RIN2: variants seen among roughly 807,000 people sequenced by gnomAD.
RIN2 encodes the protein RAB5 interacting protein 2.
Under a neutral mutation model 78.0 loss-of-function variants are expected in RIN2, and 36 were observed. The ratio of observed to expected loss-of-function variants is 0.46; its 90% CI spans 0.35 to 0.61. RIN2 has a LOEUF of 0.61. Among genes scored for constraint, RIN2 ranks in the 20% least tolerant of loss-of-function variants. The pLI, the probability that RIN2 is intolerant of heterozygous loss-of-function variation, is 0.00. For missense variants in RIN2, 1,087 were observed against 1,159.7 expected, an observed-to-expected ratio of 0.94 and a Z score of 0.91; for synonymous variants, 466 against 466.8, an observed-to-expected ratio of 1.00 and a Z score of 0.02.
chr20:19,831,960 GAAT>G (rs2036263155), intron 2 of RIN2, among the ~76,000 whole-genome samples: 2 of 152,192 alleles, frequency 1.3e-5, no homozygotes, highest in South Asian at 4.2e-4. Context: ...TTCTAGCAAT[GAAT>G]AATAACAATT....
At chr20:19,941,433 C>T (rs1600880011) in intron 4 of RIN2, among the ~76,000 whole-genome samples, 1 of 152,184 alleles carries the variant, frequency 6.6e-6, no homozygotes, top group Non-Finnish European at 1.5e-5. Flanking sequence ...GCTTTTTGAA[C>T]CAGATCCACC....
At chr20:19,782,260 T>C (rs2034533638) in intron 1 of RIN2, among the ~76,000 whole-genome samples, 1 of 152,148 alleles carries the variant, frequency 6.6e-6, no homozygotes, top group Admixed American at 6.5e-5. Context: ...ATGTCAGGCA[T>C]GAGATACGTA....
At position 19,942,118 on chromosome 20, in the gene RIN2, A is replaced by AAAAAAAAAAAAAAAAAG. The variant is rs61328325; in HGVS notation, c.158+6923_158+6924insAAAAAAAAAAAAGAAAA. Among the ~76,000 whole-genome samples the AAAAAAAAAAAAAAAAAG allele has an allele frequency of 1.3e-4, 18 of 142,986 alleles. 1 individual carries two copies. Among genetic ancestry groups the AAAAAAAAAAAAAAAAAG allele is most frequent in the African/African-American group, 3.6e-4 (13 of 36,412 alleles). The allele number at this position is 142,986 out of a possible 152,430, so 93.8% of individuals were successfully genotyped here. Reference sequence around the variant, plus strand: ...GAGTGAGACTCTATCTCAAAAAAAAAAAAAGAAAGAGAAAGTATTTATTCA... The same window carrying AAAAAAAAAAAAAAAAAG: ...GAGTGAGACTCTATCTCAAAAAAAAAAAAAAAAAAAAAAAAAGAAAAGAAAGAGAAAGTATTTATTCA... On this transcript the variant is annotated intron_variant, in intron 4 of 12. Transcript: ENST00000255006.
intron 2 of RIN2, among the ~76,000 whole-genome samples, chr20:19,828,363 C>T (rs1482157895): frequency 3.9e-5 from 6 of 152,214 alleles, no homozygotes; most frequent in Non-Finnish European, 7.3e-5. Flanking sequence ...CCACCCACAG[C>T]TTTCTGATCC....
rs1463910030 is a variant in RIN2, at chr20:19,916,806, G to A, written c.58-18293G>A. ...GTTTAATGTGCTTCCACTGTTGTTC[G>A]AGCAGTAGTGTTTGTATTGAAATCG... On this transcript the variant is annotated intron_variant, in intron 3 of 12. Transcript: ENST00000255006. Among the ~76,000 whole-genome samples the A allele has an allele frequency of 5.3e-5, 8 of 152,140 alleles. No homozygotes were observed. In the East Asian group the frequency reaches 1.2e-3, roughly 22 times the overall value.
chr20:19,865,990 C>T (rs2037494589), intron 2 of RIN2, among the ~76,000 whole-genome samples: 2 of 151,988 alleles, frequency 1.3e-5, no homozygotes, highest in Non-Finnish European at 2.9e-5. Flanking sequence ...AAGCACATTA[C>T]ATTTATTGTG....
intron 2 of RIN2, among the ~76,000 whole-genome samples, chr20:19,820,632 T>A (rs1042161508): frequency 1.3e-5 from 2 of 152,114 alleles, no homozygotes; most frequent in Non-Finnish European, 2.9e-5. Context: ...CAGGTGTGTT[T>A]CCACCAGGTT....
chr20:19,864,155 C>A (rs560270270), intron 2 of RIN2, among the ~76,000 whole-genome samples: 98 of 151,968 alleles, frequency 6.4e-4, no homozygotes, highest in African/African-American at 2.3e-3. Flanking sequence ...GGCTGGGAAA[C>A]AATAGTTTGC....
intron 2 of RIN2, among the ~76,000 whole-genome samples, chr20:19,813,113 A>C (rs995510346): frequency 2.0e-5 from 3 of 152,032 alleles, no homozygotes; most frequent in Non-Finnish European, 4.4e-5. Flanking sequence ...AATCCACTCC[A>C]CAGTGGCCTC....
intron 1 of RIN2, among the ~76,000 whole-genome samples, chr20:19,768,637 G>C (rs1014647635): frequency 2.0e-5 from 3 of 152,360 alleles, no homozygotes; most frequent in Admixed American, 2.0e-4. Flanking sequence ...CAGGCAGACA[G>C]AGTGGATTGT....
At chr20:19,929,028 G>A (rs1256503619) in intron 3 of RIN2, among the ~76,000 whole-genome samples, 1 of 152,202 alleles carries the variant, frequency 6.6e-6, no homozygotes, top group Non-Finnish European at 1.5e-5. Flanking sequence ...TGGGAATGAT[G>A]CAGCTGTGCT....
intron 3 of RIN2, among the ~76,000 whole-genome samples, chr20:19,916,568 T>C (rs2039693306): frequency 6.6e-6 from 1 of 152,146 alleles, no homozygotes; most frequent in African/African-American, 2.4e-5. Context: ...GCACTCCAGC[T>C]CCAGCCTGGG....
chr20:19,899,653 C>G (rs1181295866), intron 3 of RIN2, among the ~76,000 whole-genome samples: 1 of 152,150 alleles, frequency 6.6e-6, no homozygotes, highest in African/African-American at 2.4e-5. Context: ...CACTTACAAA[C>G]TAACTTGGCA....
At position 19,886,169 on chromosome 20, in the gene RIN2, G is replaced by C. The variant is rs145296438; in HGVS notation, c.-36-3397G>C. On this transcript the variant is annotated intron_variant, in intron 2 of 12. Transcript: ENST00000255006. ...CATTGATCAGTGAAATGGAAATCGG[G>C]GACTCTGTGTTTCAACCCCAGTCAG... Among the ~76,000 whole-genome samples the C allele has an allele frequency of 3.3e-5, 5 of 152,330 alleles. No individual in the cohort carries two copies. In the East Asian group the frequency reaches 9.6e-4, roughly 29 times the overall value.
At chr20:19,979,815 G>C (rs1462271190) in intron 9 of RIN2, among the ~76,000 whole-genome samples, 1 of 151,808 alleles carries the variant, frequency 6.6e-6, no homozygotes, top group Non-Finnish European at 1.5e-5. Context: ...GGCCGAGGTG[G>C]GTGGATCACC....
At chr20:19,771,304 G>A (rs749567339) in intron 1 of RIN2, among the ~76,000 whole-genome samples, 1 of 152,220 alleles carries the variant, frequency 6.6e-6, no homozygotes, top group Non-Finnish European at 1.5e-5. Flanking sequence ...CAGCTCATTA[G>A]CATGCAGAAA....
intron 2 of RIN2, among the ~76,000 whole-genome samples, chr20:19,873,357 G>T (rs983978110): frequency 2.6e-5 from 4 of 152,066 alleles, no homozygotes; most frequent in Non-Finnish European, 4.4e-5. Context: ...GAACTCCGGG[G>T]TCAAGGGATC....
At chr20:19,948,507 G>T (rs2041187365) in intron 4 of RIN2, among the ~76,000 whole-genome samples, 1 of 152,112 alleles carries the variant, frequency 6.6e-6, no homozygotes, top group Non-Finnish European at 1.5e-5. Flanking sequence ...CCATTCTCAT[G>T]CCTCAGCCTC....
intron 6 of RIN2, among the ~76,000 whole-genome samples, chr20:19,962,449 A>C (rs1232176964): frequency 6.6e-6 from 1 of 152,168 alleles, no homozygotes; most frequent in African/African-American, 2.4e-5. Context: ...AGTGTGGGCA[A>C]TGTGTGTGGA....
Sources: gnomAD v4.1 joint callset for allele counts (sites outside exome capture counted in the v4.1 genomes callset) on GRCh38, gnomAD v4.1.1 for gene constraint, MANE v1.5 for transcripts, NCBI Gene and HGNC (gene_info 2026-07-23, HGNC 2026-07-21) for gene names.